Variants in STRIP2 observed in about 807,000 individuals in gnomAD.
STRIP2 encodes the protein striatin interacting protein 2.
STRIP2 carries 84 observed loss-of-function variants against 107.1 expected under a neutral mutation model. The ratio of observed to expected loss-of-function variants is 0.78; its 90% CI spans 0.66 to 0.94. The LOEUF is 0.94. STRIP2 is among the 40% of genes least tolerant of loss of function. STRIP2 has a pLI of 0.00. For synonymous variants in STRIP2, 394 were observed against 400.4 expected (o/e 0.98, Z 0.19); for missense variants, 888 against 1,034.2 (o/e 0.86, Z 1.94).
chr7:129,477,010 CA>C (rs35693032), intron 18 of STRIP2, among the ~76,000 whole-genome samples: 3 of 150,916 alleles, frequency 2.0e-5, no homozygotes, highest in Non-Finnish European at 4.4e-5. Flanking sequence ...CCGTCTCCAC[CA>C]AAAAAATACG....
chr7:129,481,203 A>G (rs1799107398), intron 19 of STRIP2, among the ~76,000 whole-genome samples: 1 of 152,220 alleles, frequency 6.6e-6, no homozygotes. Context: ...CATTGTTTAT[A>G]ATAATGAAAG....
At chr7:129,434,647 G>T in intron 1 of STRIP2, 46 bp downstream of exon 1, 2 of 1,430,544 alleles carry the variant, frequency 1.4e-6, no homozygotes, top group Non-Finnish European at 1.8e-6. Context: ...GACGCCCGCC[G>T]GCGGGAAGCG....
At chr7:129,436,951 C>A (rs1797756563) in intron 1 of STRIP2, among the ~76,000 whole-genome samples, 1 of 152,194 alleles carries the variant, frequency 6.6e-6, no homozygotes, top group East Asian at 1.9e-4. Context: ...TTAGCCAGAT[C>A]TGGTTTATTG....
chr7:129,437,634 T>C (rs190248876), intron 1 of STRIP2, among the ~76,000 whole-genome samples: 4 of 152,084 alleles, frequency 2.6e-5, no homozygotes, highest in South Asian at 2.1e-4. Context: ...ATTCTGTCTT[T>C]CATTTTTTGA....
At chr7:129,459,665 C>G (rs1046357126) in intron 12 of STRIP2, 85 bp downstream of exon 12, 1 of 1,139,532 alleles carries the variant, frequency 8.8e-7, no homozygotes, top group Non-Finnish European at 1.3e-6. Context: ...CTGGGTGGGG[C>G]TTTTATACCA....
intron 5 of STRIP2, among the ~76,000 whole-genome samples, chr7:129,453,794 T>C (rs1798264295): frequency 6.6e-6 from 1 of 152,220 alleles, no homozygotes; most frequent in Admixed American, 6.5e-5. Flanking sequence ...CAGTGACCCC[T>C]TGTTTTGTCT....
chr7:129,456,265 G>A (rs539465769), intron 8 of STRIP2, among the ~76,000 whole-genome samples, 174 bp from the exon 9 acceptor site: 82 of 150,156 alleles, frequency 5.5e-4, no homozygotes, highest in African/African-American at 1.8e-3. Flanking sequence ...CTCAGTTGCC[G>A]TGGGGATGGT....
At chr7:129,439,267 G>A (rs545435045) in intron 1 of STRIP2, among the ~76,000 whole-genome samples, 2 of 152,154 alleles carry the variant, frequency 1.3e-5, no homozygotes, top group South Asian at 2.1e-4. Context: ...AGGAACCAGG[G>A]GCAAAGAACA....
rs144405170 is a variant in STRIP2, at chr7:129,487,744, T to C, written c.*1915T>C. On this transcript the variant is annotated 3_prime_UTR_variant, in exon 21 of 21. Coordinates refer to ENST00000249344, the MANE Select transcript of STRIP2 (RefSeq NM_020704.3). ...TAGTATGATTTTAATATGATTTGAG[T>C]AAAAAGATAATTTTCAAGGAAAGAG... 461 of 152,334 alleles carry C rather than the reference T, an allele frequency of 3.0e-3. 2 individuals are homozygous for C. The highest frequency in any genetic ancestry group is 0.011 in the African/African-American group (442 of 41,568). The allele number at this position is 152,334 out of a possible 1,614,324, so 9.4% of individuals were successfully genotyped here. A position where few individuals can be genotyped will look rare whatever the true frequency, so the allele number is the denominator to read the frequency against.
intron 18 of STRIP2, 22 bp from the exon 19 acceptor site, chr7:129,480,763 T>A (rs1456950161): frequency 6.3e-7 from 1 of 1,591,882 alleles, no homozygotes; most frequent in African/African-American, 1.3e-5. Context: ...ATTAAGATAA[T>A]GATGGATGTT....
Position 129,455,395 on chromosome 7 carries a change from C to T in STRIP2, c.834+24C>T, listed in dbSNP as rs753527228. 6 of 1,606,976 alleles carry T rather than the reference C, an allele frequency of 3.7e-6. No homozygotes were observed. The South Asian group carries it at 6.7e-5, about 18-fold the overall frequency. On this transcript the variant is annotated intron_variant, in intron 8 of 20. Coordinates refer to ENST00000249344, the MANE Select transcript of STRIP2 (RefSeq NM_020704.3). ...TGGTGAGTAATTCTCCCCACTCCCACATTATCAGATCAGCAATGCCCTATG... is the reference window on the plus strand; with the variant it reads ...TGGTGAGTAATTCTCCCCACTCCCATATTATCAGATCAGCAATGCCCTATG...
In STRIP2 at chr7:129,462,689, A is replaced by AC. The variant is rs571109268; in HGVS notation, c.1477-275dup. 7.3e-3 allele frequency among the ~76,000 whole-genome samples: 1,115 copies of AC among 152,236 alleles called. 6 individuals carry two copies. The highest frequency in any genetic ancestry group is 0.017 in the Middle Eastern group (5 of 294). The stretch of plus-strand genomic sequence containing the variant: ...CTAGAGTTTTCAGCCTCAGATCCAC[A>AC]CCATAGGAAGTGCTTCTGTAGCATC... On this transcript the variant is annotated intron_variant, in intron 13 of 20. Coordinates refer to ENST00000249344, the MANE Select transcript of STRIP2 (RefSeq NM_020704.3).
intron 3 of STRIP2, among the ~76,000 whole-genome samples, chr7:129,448,805 G>C (rs1798105343): frequency 6.6e-6 from 1 of 152,158 alleles, no homozygotes; most frequent in Admixed American, 6.5e-5. Context: ...TTTTGTAGTT[G>C]AGTGACTGTG....
intron 19 of STRIP2, among the ~76,000 whole-genome samples, chr7:129,481,214 C>G (rs993850178): frequency 1.3e-5 from 2 of 152,112 alleles, no homozygotes; most frequent in African/African-American, 4.8e-5. Context: ...ATAATGAAAG[C>G]TTGTCTGGGC....
chr7:129,464,585 C>A, intron 15 of STRIP2, 27 bp from the exon 16 acceptor site: 2 of 1,613,540 alleles, frequency 1.2e-6, no homozygotes, highest in Non-Finnish European at 1.7e-6. Context: ...CCACTCTCTG[C>A]ACTAATACCT....
rs954658108 is a variant in STRIP2 at position 129,461,618 on chromosome 7, T to A, written c.1476+1246T>A. On this transcript the variant is annotated intron_variant, in intron 13 of 20. Transcript: ENST00000249344. This position sits in a 1 kb window ranked among gnomAD's most constrained non-coding sequence, Gnocchi z 4.0. ...GTAAAATGCTACTAATAAGTGGCAT[T>A]ATGGTAAGAACCAAGGTGCCCATTG... 7.2e-5 allele frequency among the ~76,000 whole-genome samples: 11 copies of A among 152,178 alleles called. No individual in the cohort carries two copies. The highest frequency in any genetic ancestry group is 1.6e-4 in the Non-Finnish European group (11 of 68,030).
chr7:129,458,421 C>G lies in STRIP2; in HGVS notation c.1245C>G (p.Pro415=), dbSNP rs1798428933. 6.2e-7 allele frequency: 1 copy of G among 1,607,092 alleles called. No homozygotes were observed. Among genetic ancestry groups the G allele is most frequent in the African/African-American group, 1.3e-5 (1 of 74,774 alleles). ...APLSAERVAF[P]KGLPWAPKVR... The stretch of plus-strand genomic sequence containing the variant: ...TCTCTGCTGAGCGGGTGGCTTTTCC[C>G]AAGGGCCTGCCCTGGGCCCCAAAGG... Residue 415 remains proline (P), a synonymous_variant, in exon 10 of 21, where the codon CCC becomes CCG. Coordinates refer to ENST00000249344, the MANE Select transcript of STRIP2 (RefSeq NM_020704.3). The surrounding 1 kb of genome is among the most constrained non-coding windows in gnomAD (Gnocchi z 4.6).
At position 129,476,720 on chromosome 7, in the gene STRIP2, A is replaced by G. The variant is rs529923390; in HGVS notation, c.1945-4065A>G. On this transcript the variant is annotated intron_variant, in intron 18 of 20. Coordinates refer to ENST00000249344, the MANE Select transcript of STRIP2 (RefSeq NM_020704.3). ...GCAGCCGGGCAGAGGGGCTCCTTGC[A>G]TCCCAGACGATGGGCAGCCGGGCAG... 5.9e-5 allele frequency among the ~76,000 whole-genome samples: 9 copies of G among 151,650 alleles called. No individual in the cohort carries two copies. In the South Asian group the frequency reaches 1.7e-3, roughly 28 times the overall value.
chr7:129,455,284 C>T lies in STRIP2; in HGVS notation c.747C>T (p.Leu249=). The change falls in exon 8 of 21, where the codon CTC becomes CTT. Residue 249 remains leucine (L), a synonymous_variant. Coordinates refer to ENST00000249344, the MANE Select transcript of STRIP2 (RefSeq NM_020704.3). The part of the protein sequence containing the change: ...MHNEEPFALL[L]FSMVTKFCSG... ...ATGAGGAGCCTTTTGCCCTTTTACT[C>T]TTCTCCATGGTTACCAAGTTCTGCA... is the stretch of plus-strand genomic sequence containing the variant. The T allele has an allele frequency of 6.2e-7, 1 of 1,613,984 alleles. No homozygotes were observed. Among genetic ancestry groups the T allele is most frequent in the Non-Finnish European group, 8.5e-7 (1 of 1,179,928 alleles).
Sources: gnomAD v4.1 joint callset for allele counts (sites outside exome capture counted in the v4.1 genomes callset) on GRCh38, gnomAD v4.1.1 for gene constraint, Gnocchi (gnomAD v3.1) non-coding constraint, MANE v1.5 for transcripts, NCBI Gene and HGNC (gene_info 2026-07-23, HGNC 2026-07-21) for gene names.